TACC1: variants seen among roughly 807,000 people sequenced by gnomAD.
TACC1 encodes the protein transforming acidic coiled-coil-containing protein 1.
TACC1 carries 48 observed loss-of-function variants against 84.4 expected under a neutral mutation model. The ratio of observed to expected loss-of-function variants is 0.57; its 90% CI spans 0.45 to 0.72. The LOEUF (loss-of-function observed/expected upper bound fraction) is 0.72, where lower values mean the gene tolerates loss of function less well. Among genes scored for constraint, TACC1 ranks in the 30% least tolerant of loss-of-function variants. TACC1 has a pLI of 0.00. For missense variants in TACC1, 920 were observed against 973.0 expected (o/e 0.95, Z 0.72); for synonymous variants, 372 against 376.3 (o/e 0.99, Z 0.13).
chr8:38,786,580 T>C (rs928537893), upstream of TACC1, among the ~76,000 whole-genome samples: 29 of 152,292 alleles, frequency 1.9e-4, no homozygotes, highest in African/African-American at 6.3e-4. Context: ...CCCATCAGGC[T>C]GTAATCTCAC....
intron 2 of TACC1, among the ~76,000 whole-genome samples, chr8:38,790,112 G>A (rs1818289930): frequency 6.6e-6 from 1 of 152,222 alleles, no homozygotes; most frequent in Non-Finnish European, 1.5e-5. Flanking sequence ...CAGGAAGTCT[G>A]TCCTTGCCTC....
intron 11 of TACC1, among the ~76,000 whole-genome samples, chr8:38,844,607 T>G (rs1017931071): frequency 6.6e-6 from 1 of 152,230 alleles, no homozygotes; most frequent in African/African-American, 2.4e-5. Flanking sequence ...CATTTTCCTA[T>G]TGTCATTTTA....
chr8:38,827,953 CAA>C, intron 5 of TACC1: 1 of 157,718 alleles, frequency 6.3e-6, no homozygotes, highest in Non-Finnish European at 1.4e-5. Flanking sequence ...CTCATTACCA[CAA>C]GGAGGGCACC....
intron 2 of TACC1, among the ~76,000 whole-genome samples, chr8:38,791,551 G>T (rs1275282892): frequency 6.6e-6 from 1 of 152,174 alleles, no homozygotes; most frequent in Non-Finnish European, 1.5e-5. Context: ...CCAGAGCACA[G>T]GTCTGCCTGG....
chr8:38,755,307 G>C (rs982117519), intron 3 of TACC1, among the ~76,000 whole-genome samples: 2 of 152,012 alleles, frequency 1.3e-5, no homozygotes, highest in African/African-American at 2.4e-5. Context: ...AAACAATTCT[G>C]TGTGCTTCAC....
chr8:38,747,001 C>T (rs1808208181), intron 3 of TACC1, among the ~76,000 whole-genome samples: 2 of 152,044 alleles, frequency 1.3e-5, no homozygotes, highest in Admixed American at 1.3e-4. Flanking sequence ...CTAAACACTC[C>T]AATTAAAAGA....
chr8:38,745,578 C>T (rs1231269912), intron 3 of TACC1: 1 of 641,098 alleles, frequency 1.6e-6, no homozygotes, highest in Non-Finnish European at 2.8e-6. Context: ...GAATCTTGCT[C>T]TGTCGCCCAG....
intron 9 of TACC1, chr8:38,840,520 A>G: frequency 3.3e-6 from 1 of 306,486 alleles, no homozygotes; most frequent in Non-Finnish European, 6.1e-6. Flanking sequence ...CACCTCCCAA[A>G]TTCCCTTCCA....
At chr8:38,843,474 C>T (rs922540675) in intron 11 of TACC1, 79 bp downstream of exon 11, 35 of 995,824 alleles carry the variant, frequency 3.5e-5, no homozygotes, top group African/African-American at 3.3e-4. Context: ...ATCACTGTTT[C>T]GCAACTCCAG....
At chr8:38,783,514 C>T (rs1816556622), upstream of TACC1, among the ~76,000 whole-genome samples, 1 of 151,928 alleles carries the variant, frequency 6.6e-6, no homozygotes, top group Non-Finnish European at 1.5e-5. Flanking sequence ...CTCTGCCTCC[C>T]CGGTTCAAGT....
At chr8:38,844,293 C>T in intron 11 of TACC1, among the ~76,000 whole-genome samples, 1 of 152,066 alleles carries the variant, frequency 6.6e-6, no homozygotes, top group East Asian at 1.9e-4. Context: ...CTGCCTCAGC[C>T]TCCCAAGTAG....
At chr8:38,770,119 T>C (rs1419625691) in intron 3 of TACC1, among the ~76,000 whole-genome samples, 2 of 151,966 alleles carry the variant, frequency 1.3e-5, no homozygotes, top group African/African-American at 4.8e-5. Context: ...CTGCCGGCTC[T>C]GGCTCTCCCC....
Position 38,840,273 on chromosome 8 carries a change from G to T in TACC1, c.1960+6G>T. The T allele has an allele frequency of 5.0e-6, 8 of 1,612,630 alleles. No individual in the cohort carries two copies. Among genetic ancestry groups the T allele is most frequent in the South Asian group, 1.1e-5 (1 of 90,978 alleles). ...GACTATTGCTCAAATGATTGGTAAG[G>T]AGAACATTTTGTTTTTTGAGGGTAT... On this transcript the variant is annotated splice_donor_region_variant and intron_variant, in intron 9 of 12. Transcript: ENST00000317827.
intron 2 of TACC1, among the ~76,000 whole-genome samples, chr8:38,812,310 C>T (rs1824378468): frequency 6.6e-6 from 1 of 152,124 alleles, no homozygotes; most frequent in Non-Finnish European, 1.5e-5. Context: ...TACACCCCCT[C>T]CCCTTTTGAA....
chr8:38,790,503 C>T (rs1818391966), intron 2 of TACC1, among the ~76,000 whole-genome samples: 1 of 152,144 alleles, frequency 6.6e-6, no homozygotes, highest in Non-Finnish European at 1.5e-5. Context: ...GGATGGAAGT[C>T]CTTTTTATGT....
At chr8:38,739,091 A>T (rs960921954) in intron 1 of TACC1, among the ~76,000 whole-genome samples, 3 of 152,166 alleles carry the variant, frequency 2.0e-5, no homozygotes, top group African/African-American at 7.2e-5. Flanking sequence ...GGGTTTCCCC[A>T]TGTTGACCAG....
intron 3 of TACC1, among the ~76,000 whole-genome samples, chr8:38,770,671 T>G (rs1193644072): frequency 3.9e-5 from 6 of 152,062 alleles, no homozygotes; most frequent in Non-Finnish European, 8.8e-5. Flanking sequence ...TGACTTTAAT[T>G]AAAGTGTGGC....
At chr8:38,738,665 C>CTT (rs112889333) in intron 1 of TACC1, among the ~76,000 whole-genome samples, 1 of 144,100 alleles carries the variant, frequency 6.9e-6, no homozygotes, top group Non-Finnish European at 1.5e-5. Context: ...GTTTTGAGCA[C>CTT]TTTTTTTTTT....
intron 4 of TACC1, among the ~76,000 whole-genome samples, chr8:38,826,251 G>GT (rs2152257163): frequency 1.3e-5 from 2 of 152,252 alleles, no homozygotes; most frequent in Admixed American, 1.3e-4. Flanking sequence ...GTTAACAAAT[G>GT]TGTAACATTC....
Sources: allele counts gnomAD v4.1 joint callset (sites outside exome capture counted in the v4.1 genomes callset), GRCh38; gene constraint gnomAD v4.1.1; transcripts MANE v1.5; gene names NCBI Gene and HGNC (gene_info 2026-07-23, HGNC 2026-07-21).